The following CTNNA3 variants were observed in gnomAD, a reference collection of about 807,000 sequenced individuals.
The protein encoded by CTNNA3 is catenin alpha 3, also known as catenin alpha-3.
A neutral mutation model predicts 95.7 loss-of-function variants in CTNNA3; 76 were observed. That is an observed-to-expected ratio of 0.79 (90% CI 0.66 to 0.96). The LOEUF is 0.96. CTNNA3 is among the 40% of genes least tolerant of loss of function. The probability of loss-of-function intolerance (pLI) is 0.00; values close to 1 mark genes in which losing one functional copy is unlikely to be tolerated. For synonymous variants in CTNNA3, 431 were observed against 374.4 expected, an observed-to-expected ratio of 1.15 and a Z score of -1.74; for missense variants, 1,191 against 1,089.8, an observed-to-expected ratio of 1.09 and a Z score of -1.31.
At chr10:66,455,760 T>A (rs2093491251) in intron 11 of CTNNA3, among the ~76,000 whole-genome samples, 1 of 152,174 alleles carries the variant, frequency 6.6e-6, no homozygotes, top group Non-Finnish European at 1.5e-5. Context: ...GACACTTCAA[T>A]AAATAGGCTT....
intron 10 of CTNNA3, among the ~76,000 whole-genome samples, chr10:66,571,308 T>C (rs1842860380): frequency 6.6e-6 from 1 of 152,230 alleles, no homozygotes; most frequent in Non-Finnish European, 1.5e-5. Flanking sequence ...GAATTGGTTA[T>C]CGCATTCCCT....
Position 67,564,270 on chromosome 10 carries a change from T to A in CTNNA3, c.293-24601A>T, listed in dbSNP as rs1841661288. Among the ~76,000 whole-genome samples the A allele has an allele frequency of 1.3e-5, 2 of 149,618 alleles. 1 individual carries two copies. On this transcript the variant is annotated intron_variant, in intron 3 of 17. Transcript: ENST00000433211. ...AATGTCCAACAATGATAGACTGGAT[T>A]AAGAAAATGTGGCACATATAATCCA...
At chr10:66,197,336 C>CTCTA (rs200815679) in intron 13 of CTNNA3, among the ~76,000 whole-genome samples, 35,640 of 147,956 alleles carry the variant, frequency 0.24, 4,482 homozygotes, top group South Asian at 0.35. Flanking sequence ...CAATCCAAAT[C>CTCTA]TCTATCTATC....
At chr10:67,718,349 A>G (rs1021147983) in intron 1 of CTNNA3, among the ~76,000 whole-genome samples, 3 of 152,160 alleles carry the variant, frequency 2.0e-5, no homozygotes, top group African/African-American at 7.2e-5. Context: ...ACCCAATACT[A>G]TGTTGAGTAG....
At chr10:67,294,222 AT>A (rs1406195215) in intron 5 of CTNNA3, among the ~76,000 whole-genome samples, 1 of 152,186 alleles carries the variant, frequency 6.6e-6, no homozygotes, top group Non-Finnish European at 1.5e-5. Context: ...GCTGAAAAAA[AT>A]AAATCAATGA....
intron 7 of CTNNA3, among the ~76,000 whole-genome samples, chr10:67,121,767 G>A (rs1859473213): frequency 6.6e-6 from 1 of 151,806 alleles, no homozygotes; most frequent in South Asian, 2.1e-4. Context: ...AAACAATAGA[G>A]AGCAGTGTAA....
intron 2 of CTNNA3, among the ~76,000 whole-genome samples, chr10:67,635,496 G>T (rs898779849): frequency 2.6e-5 from 4 of 152,136 alleles, no homozygotes; most frequent in Non-Finnish European, 4.4e-5. Flanking sequence ...TCATCCCTGG[G>T]ATGCAAGGTT....
chr10:66,850,213 G>C (rs1008724854), intron 7 of CTNNA3, among the ~76,000 whole-genome samples: 1 of 152,056 alleles, frequency 6.6e-6, no homozygotes, highest in Non-Finnish European at 1.5e-5. Flanking sequence ...ATCCTCTCCT[G>C]TTTCCCTGTT....
At position 67,455,158 on chromosome 10, in the gene CTNNA3, C is replaced by T. The variant is rs1470484964; in HGVS notation, c.579+66684G>A. ...ACTGCATGGCATCAATTTTAACATG[C>T]ACATTTTCCCATATGTTCACATTTC... On this transcript the variant is annotated intron_variant, in intron 5 of 17. Transcript: ENST00000433211. Among the ~76,000 whole-genome samples the T allele has an allele frequency of 2.6e-5, 4 of 152,192 alleles. No homozygotes were observed. In the East Asian group the frequency reaches 5.8e-4, roughly 22 times the overall value.
chr10:67,225,431 C>T (rs1007863512), intron 5 of CTNNA3, among the ~76,000 whole-genome samples: 7 of 152,172 alleles, frequency 4.6e-5, no homozygotes, highest in Non-Finnish European at 8.8e-5. Flanking sequence ...AAAAATAGAG[C>T]ATTAAACCAC....
chr10:66,647,638 G>A (rs1341075801), intron 9 of CTNNA3, among the ~76,000 whole-genome samples: 1 of 151,282 alleles, frequency 6.6e-6, no homozygotes, highest in Non-Finnish European at 1.5e-5. Context: ...AGCCTCCCGA[G>A]TAGCTGGGAC....
rs139776145 is a variant in CTNNA3 at position 66,001,161 on chromosome 10, C to G, written c.2160-12364G>C. On this transcript the variant is annotated intron_variant, in intron 15 of 17. Transcript: ENST00000433211. ...TATATATACTACATTGCATAGATTT[C>G]GGGGGTCATGACAAGTGATTGAAAT... Among the ~76,000 whole-genome samples the G allele has an allele frequency of 7.3e-3, 1,111 of 152,060 alleles. 19 individuals are homozygous for G. The highest frequency in any genetic ancestry group is 0.026 in the African/African-American group (1,058 of 41,474).
In CTNNA3 at chr10:66,926,637, A is replaced by G. The variant is rs756078978; in HGVS notation, c.1048-151113T>C. The G allele has an allele frequency of 1.0e-5, 16 of 1,592,882 alleles. No homozygotes were observed. The East Asian group carries it at 3.1e-4, about 31-fold the overall frequency. ...TCCTTCTTAAAAACAAAAAACAAAA[A>G]ACCTCTAGTGTGTGTAATAATTCTG... On this transcript the variant is annotated intron_variant, in intron 7 of 17. Transcript: ENST00000433211.
At chr10:66,696,812 G>A (rs750833974) in intron 9 of CTNNA3, among the ~76,000 whole-genome samples, 7 of 151,936 alleles carry the variant, frequency 4.6e-5, no homozygotes, top group Admixed American at 6.6e-5. Flanking sequence ...GGTGGTGTGC[G>A]CCTGTAGTCC....
intron 15 of CTNNA3, among the ~76,000 whole-genome samples, chr10:65,995,034 T>C (rs2133346371): frequency 6.6e-6 from 1 of 152,118 alleles, no homozygotes; most frequent in South Asian, 2.1e-4. Context: ...ATTGGTAAAT[T>C]TCTCATTATG....
intron 12 of CTNNA3, among the ~76,000 whole-genome samples, chr10:66,293,586 G>T (rs2091725580): frequency 6.6e-6 from 1 of 151,818 alleles, no homozygotes; most frequent in African/African-American, 2.4e-5. Flanking sequence ...TCTGCTACTT[G>T]ATCTGCCTTA....
intron 13 of CTNNA3, among the ~76,000 whole-genome samples, chr10:66,133,818 C>G (rs2083234540): frequency 6.6e-6 from 1 of 152,130 alleles, no homozygotes; most frequent in African/African-American, 2.4e-5. Context: ...AAACTGTATA[C>G]TCATTAGGCT....
intron 7 of CTNNA3, among the ~76,000 whole-genome samples, chr10:66,789,421 C>A (rs1437093687): frequency 3.9e-5 from 6 of 152,136 alleles, no homozygotes; most frequent in African/African-American, 1.4e-4. Flanking sequence ...ATAATCCACC[C>A]GCCTCAGCCT....
intron 7 of CTNNA3, among the ~76,000 whole-genome samples, chr10:66,786,924 C>T (rs1039998215): frequency 2.0e-5 from 3 of 152,138 alleles, no homozygotes; most frequent in Non-Finnish European, 4.4e-5. Flanking sequence ...AACTCTACAG[C>T]GCTGTCTCAG....
Sources: allele counts gnomAD v4.1 joint callset (sites outside exome capture counted in the v4.1 genomes callset), GRCh38; gene constraint gnomAD v4.1.1; transcripts MANE v1.5; gene names NCBI Gene and HGNC (gene_info 2026-07-23, HGNC 2026-07-21).